GPM6A: variants seen among roughly 807,000 people sequenced by gnomAD.
GPM6A encodes glycoprotein M6A, also known as neuronal membrane glycoprotein M6-a.
In GPM6A, 7 loss-of-function variants were observed where a neutral mutation model predicts 32.1. The observed-to-expected ratio is 0.22, with a 90% CI of 0.12 to 0.41. The LOEUF (loss-of-function observed/expected upper bound fraction) is 0.41. GPM6A is among the 10% of genes least tolerant of loss of function. The pLI, the probability that GPM6A is intolerant of heterozygous loss-of-function variation, is 1.00. For missense variants in GPM6A, 235 were observed against 347.2 expected (o/e 0.68, Z 2.57); for synonymous variants, 130 against 123.4 (o/e 1.05, Z -0.35).
At chr4:175,989,435 A>C (rs1159343073) in intron 1 of GPM6A, among the ~76,000 whole-genome samples, 1 of 152,124 alleles carries the variant, frequency 6.6e-6, no homozygotes, top group Admixed American at 6.6e-5. Flanking sequence ...TACAGACAAT[A>C]ATGTGAAATA....
intron 2 of GPM6A, among the ~76,000 whole-genome samples, chr4:175,690,943 T>A (rs1220518561): frequency 6.6e-6 from 1 of 152,230 alleles, no homozygotes; most frequent in Non-Finnish European, 1.5e-5. Flanking sequence ...AACAATGTGG[T>A]GATGGACATG....
chr4:175,905,188 G>C (rs1738092379), intron 1 of GPM6A, among the ~76,000 whole-genome samples: 3 of 152,124 alleles, frequency 2.0e-5, no homozygotes. Context: ...ATCTGTAGGA[G>C]AAACTAATGA....
intron 1 of GPM6A, among the ~76,000 whole-genome samples, chr4:175,906,356 G>A (rs1353982177): frequency 6.6e-6 from 1 of 152,126 alleles, no homozygotes; most frequent in Non-Finnish European, 1.5e-5. Context: ...GTTTAGCAGT[G>A]AGCACTTAAG....
intron 1 of GPM6A, among the ~76,000 whole-genome samples, chr4:175,958,119 C>T (rs906768023): frequency 6.6e-6 from 1 of 152,310 alleles, no homozygotes; most frequent in African/African-American, 2.4e-5. Flanking sequence ...TCTCGAACTC[C>T]TTACTTCAAG....
At chr4:175,819,355 T>C (rs1372757400) in intron 1 of GPM6A, among the ~76,000 whole-genome samples, 2 of 152,186 alleles carry the variant, frequency 1.3e-5, no homozygotes, top group African/African-American at 4.8e-5. Context: ...ACTAGGTATC[T>C]GAAGCTGAGC....
intron 1 of GPM6A, among the ~76,000 whole-genome samples, chr4:175,867,277 G>C (rs1474867890): frequency 5.3e-5 from 8 of 152,024 alleles, no homozygotes. Flanking sequence ...TTTATCGTTT[G>C]TTTCTTTCAT....
At chr4:175,819,594 A>C (rs1735212712) in intron 1 of GPM6A, among the ~76,000 whole-genome samples, 1 of 152,192 alleles carries the variant, frequency 6.6e-6, no homozygotes. Context: ...TATTGTCCCC[A>C]TTTTGATAGA....
upstream of GPM6A, among the ~76,000 whole-genome samples, chr4:175,814,695 G>T (rs1380322777): frequency 1.3e-5 from 2 of 152,042 alleles, no homozygotes; most frequent in African/African-American, 4.8e-5. Flanking sequence ...ATACAAAAAA[G>T]TCCTCAGAGC....
In GPM6A at chr4:175,976,328, A is replaced by ATTTTTTTTTTTTTT. The variant is rs34163669; in HGVS notation, c.-23+25980_-23+25981insAAAAAAAAAAAAAA. Among the ~76,000 whole-genome samples the ATTTTTTTTTTTTTT allele has an allele frequency of 9.0e-4, 124 of 137,328 alleles. 4 individuals carry two copies. Among genetic ancestry groups the ATTTTTTTTTTTTTT allele is most frequent in the African/African-American group, 3.5e-3 (115 of 33,060 alleles). The allele number at this position is 137,328 out of a possible 152,430, so 90.1% of individuals were successfully genotyped here. On this transcript the variant is annotated intron_variant, in intron 1 of 7. Transcript: ENST00000280187. ...AGGCGCCTGCCACCACGCCTGGCTA[A>ATTTTTTTTTTTTTT]TTTTTTTTTTTGTATTTTTAGTAGA...
At chr4:175,939,919 C>T (rs1739353154) in intron 1 of GPM6A, among the ~76,000 whole-genome samples, 1 of 151,722 alleles carries the variant, frequency 6.6e-6, no homozygotes, top group South Asian at 2.1e-4. Context: ...AACCATAGCG[C>T]CTGGTTCCAG....
At chr4:175,988,965 A>G (rs1741058977) in intron 1 of GPM6A, among the ~76,000 whole-genome samples, 1 of 152,196 alleles carries the variant, frequency 6.6e-6, no homozygotes. Context: ...AAGAAAACAG[A>G]AGGACTCAAC....
At chr4:175,996,169 T>C (rs1328530977) in intron 1 of GPM6A, among the ~76,000 whole-genome samples, 1 of 152,198 alleles carries the variant, frequency 6.6e-6, no homozygotes, top group African/African-American at 2.4e-5. Context: ...TTTTCTTTGT[T>C]TTTCAAATGT....
At position 175,634,546 on chromosome 4, in the gene GPM6A, C is replaced by T. The variant is rs1440959601; in HGVS notation, c.*359G>A. On this transcript the variant is annotated 3_prime_UTR_variant, in exon 7 of 7. Transcript: ENST00000393658. ...ATAAAAAGCTATTTTCTTTTCAAAA[C>T]ATAAGAAATAATGCAAAAGGTGTTA... is the stretch of plus-strand genomic sequence containing the variant. 1 of 169,976 alleles carries T rather than the reference C, an allele frequency of 5.9e-6. No homozygotes were observed. The highest frequency in any genetic ancestry group is 2.4e-5 in the African/African-American group (1 of 41,818). The allele number at this position is 169,976 out of a possible 1,614,324, so 10.5% of individuals were successfully genotyped here.
At chr4:175,983,570 T>C (rs1361109976) in intron 1 of GPM6A, among the ~76,000 whole-genome samples, 2 of 152,228 alleles carry the variant, frequency 1.3e-5, no homozygotes, top group East Asian at 1.9e-4. Context: ...TCTGTTCTTA[T>C]GGTGAATTAC....
chr4:175,878,309 G>A (rs575715695), intron 1 of GPM6A, among the ~76,000 whole-genome samples: 57 of 152,136 alleles, frequency 3.7e-4, no homozygotes, highest in Non-Finnish European at 7.5e-4. Context: ...ACTCCATGTC[G>A]GGGCTCTGAT....
chr4:175,910,502 G>C (rs1579618909), intron 1 of GPM6A, among the ~76,000 whole-genome samples: 1 of 152,034 alleles, frequency 6.6e-6, no homozygotes, highest in African/African-American at 2.4e-5. Context: ...AGAAGAAAGG[G>C]GCCCAACAAG....
intron 1 of GPM6A, among the ~76,000 whole-genome samples, chr4:175,846,195 G>T (rs1031960376): frequency 6.6e-6 from 1 of 151,994 alleles, no homozygotes; most frequent in Non-Finnish European, 1.5e-5. Context: ...TTTCAATAAT[G>T]CTCATTTTTT....
intron 4 of GPM6A, among the ~76,000 whole-genome samples, chr4:175,651,521 G>A (rs1033758400): frequency 1.3e-4 from 20 of 152,132 alleles, no homozygotes; most frequent in Middle Eastern, 3.4e-3. Context: ...CAGACATCAC[G>A]TTGAGTTTGG....
At chr4:175,696,762 T>C (rs1744602863) in intron 2 of GPM6A, among the ~76,000 whole-genome samples, 1 of 152,190 alleles carries the variant, frequency 6.6e-6, no homozygotes, top group Non-Finnish European at 1.5e-5. Context: ...AACTTTGTTT[T>C]TTCTTGCTAT....
Sources: gnomAD v4.1 joint callset for allele counts (sites outside exome capture counted in the v4.1 genomes callset) on GRCh38, gnomAD v4.1.1 for gene constraint, MANE v1.5 for transcripts, NCBI Gene and HGNC (gene_info 2026-07-23, HGNC 2026-07-21) for gene names.